Variants in FRMD4A observed in about 807,000 individuals in gnomAD.
FRMD4A encodes FERM domain-containing protein 4A.
Under a neutral mutation model 129.1 loss-of-function variants are expected in FRMD4A, and 29 were observed. The observed-to-expected ratio is 0.22, with a 90% CI of 0.17 to 0.31. The LOEUF (loss-of-function observed/expected upper bound fraction) is 0.31. FRMD4A is among the 10% of genes least tolerant of loss of function. The pLI is 1.00. For missense variants in FRMD4A, 1,272 were observed against 1,375.8 expected, an observed-to-expected ratio of 0.92 and a Z score of 1.19; for synonymous variants, 634 against 571.6, an observed-to-expected ratio of 1.11 and a Z score of -1.56.
chr10:14,293,456 A>G (rs941852605), intron 2 of FRMD4A, among the ~76,000 whole-genome samples: 1 of 152,224 alleles, frequency 6.6e-6, no homozygotes, highest in Non-Finnish European at 1.5e-5. Flanking sequence ...ACTAAGACAT[A>G]CAACAAACTG....
chr10:13,691,930 A>G (rs923726290), intron 15 of FRMD4A, among the ~76,000 whole-genome samples: 1 of 152,126 alleles, frequency 6.6e-6, no homozygotes, highest in Admixed American at 6.6e-5. Flanking sequence ...TGGTCTTTGA[A>G]TTTCATTCTC....
At chr10:13,884,134 T>C (rs10906530) in intron 2 of FRMD4A, among the ~76,000 whole-genome samples, 3 of 35,698 alleles carry the variant, frequency 8.4e-5, no homozygotes, top group African/African-American at 2.6e-4. Context: ...ACACACACGC[T>C]CACACACACT....
intron 2 of FRMD4A, among the ~76,000 whole-genome samples, chr10:13,864,535 T>G (rs770665476): frequency 1.6e-4 from 24 of 151,744 alleles, no homozygotes; most frequent in Non-Finnish European, 2.9e-4. Context: ...TCCCTTTTCT[T>G]TCTTGCCCTT....
intron 2 of FRMD4A, among the ~76,000 whole-genome samples, chr10:14,288,266 T>C (rs1343560368): frequency 1.3e-5 from 2 of 152,106 alleles, no homozygotes; most frequent in Non-Finnish European, 2.9e-5. Flanking sequence ...TGCTCCCAAA[T>C]CAAAATTGGA....
In FRMD4A at chr10:14,289,109, T is replaced by C. The variant is rs372953897; in HGVS notation, c.45+40949A>G. On this transcript the variant is annotated intron_variant, in intron 2 of 24. Coordinates refer to ENST00000357447, the MANE Select transcript of FRMD4A (RefSeq NM_018027.5). ...TGCCTATGTCTCTTCAATATCTTGA[T>C]TTCAATTATTTTGGATATATACCCA... 5.9e-5 allele frequency among the ~76,000 whole-genome samples: 9 copies of C among 152,370 alleles called. No homozygotes were observed. The East Asian group carries it at 1.2e-3, about 20-fold the overall frequency.
intron 3 of FRMD4A, among the ~76,000 whole-genome samples, chr10:13,840,788 C>CAAAAAA (rs36070515): frequency 1.7e-5 from 1 of 57,240 alleles, no homozygotes; most frequent in Non-Finnish European, 3.0e-5. Flanking sequence ...GACTCTGTCT[C>CAAAAAA]AAAAAAAAAA....
intron 2 of FRMD4A, among the ~76,000 whole-genome samples, chr10:13,886,379 GA>G (rs1363394365): frequency 6.6e-6 from 1 of 152,118 alleles, no homozygotes; most frequent in African/African-American, 2.4e-5. Context: ...TGGCTAATTT[GA>G]AGTGCAAAAT....
chr10:14,330,290 G>T, intron 1 of FRMD4A, 107 bp from the exon 2 acceptor site: 2 of 584,248 alleles, frequency 3.4e-6, no homozygotes. Flanking sequence ...GACAGGGTGG[G>T]AACTGTGCTT....
rs530159178 is a variant in FRMD4A at position 14,082,789 on chromosome 10, C to G, written c.46-223877G>C. 4.6e-5 allele frequency among the ~76,000 whole-genome samples: 7 copies of G among 152,288 alleles called. No homozygotes were observed. The South Asian group carries it at 1.2e-3, about 27-fold the overall frequency. On this transcript the variant is annotated intron_variant, in intron 2 of 24. Coordinates refer to ENST00000357447, the MANE Select transcript of FRMD4A (RefSeq NM_018027.5). ...CATGACCATGATAGGTTGCCATTAA[C>G]AGGGATGGATTTGGCTGTGACTGAT...
chr10:14,045,196 T>C (rs1202081160), intron 2 of FRMD4A, among the ~76,000 whole-genome samples: 1 of 152,228 alleles, frequency 6.6e-6, no homozygotes, highest in Non-Finnish European at 1.5e-5. Flanking sequence ...GGCCATTCCC[T>C]GGTCCTTCTG....
intron 12 of FRMD4A, among the ~76,000 whole-genome samples, chr10:13,733,843 C>T (rs895998228): frequency 2.0e-5 from 3 of 152,224 alleles, no homozygotes; most frequent in African/African-American, 7.2e-5. Flanking sequence ...TCACCGTGAT[C>T]GTCGTGATTG....
At chr10:13,731,264 A>C (rs1014691149) in intron 12 of FRMD4A, among the ~76,000 whole-genome samples, 2 of 152,202 alleles carry the variant, frequency 1.3e-5, no homozygotes, top group Non-Finnish European at 2.9e-5. Flanking sequence ...GTGGGGAGGA[A>C]GGCAAAGAGG....
chr10:14,021,871 C>G (rs1832773615), intron 2 of FRMD4A, among the ~76,000 whole-genome samples: 1 of 151,988 alleles, frequency 6.6e-6, no homozygotes, highest in African/African-American at 2.4e-5. Context: ...AGTATATCAC[C>G]AGAACGGCAT....
chr10:14,090,109 T>C (rs1021375989), intron 2 of FRMD4A, among the ~76,000 whole-genome samples: 4 of 152,162 alleles, frequency 2.6e-5, no homozygotes, highest in Non-Finnish European at 2.9e-5. Flanking sequence ...ATAGCAGGGA[T>C]CTAGAAATAA....
chr10:14,177,145 C>T (rs1841758124), intron 2 of FRMD4A, among the ~76,000 whole-genome samples: 1 of 152,170 alleles, frequency 6.6e-6, no homozygotes, highest in South Asian at 2.1e-4. Context: ...TTTCTAAACT[C>T]AGAAACCCCT....
rs149215463 is a variant in FRMD4A, at chr10:14,283,195, C to T, written c.45+46863G>A. On this transcript the variant is annotated intron_variant, in intron 2 of 24. Coordinates refer to ENST00000357447, the MANE Select transcript of FRMD4A (RefSeq NM_018027.5). ...GTCATTCACAAGCTTCTCCTTCAACCGTAATTCTCAGCTAAATCGCCCAAC... is the reference window on the plus strand; with the variant it reads ...GTCATTCACAAGCTTCTCCTTCAACTGTAATTCTCAGCTAAATCGCCCAAC... Among the ~76,000 whole-genome samples the T allele has an allele frequency of 2.5e-3, 381 of 152,266 alleles. 1 individual carries two copies. Among genetic ancestry groups the T allele is most frequent in the Non-Finnish European group, 4.4e-3 (296 of 68,010 alleles).
At chr10:14,228,161 C>CTAT in intron 2 of FRMD4A, among the ~76,000 whole-genome samples, 1 of 152,234 alleles carries the variant, frequency 6.6e-6, no homozygotes, top group South Asian at 2.1e-4. Context: ...TGTGAGCCAC[C>CTAT]GCACCCAGCA....
Position 13,656,688 on chromosome 10 carries a change from G to A in FRMD4A, c.2901C>T (p.Phe967=), listed in dbSNP as rs757243136. ...TCCTGGTGACCCTGCTGTGCGCCAC[G>A]AAGGTGCTCTGGGAGGAGGTGCTGT... ...SQYSTSSQST[F]VAHSRVTRMP... Residue 967 remains phenylalanine (F), a synonymous_variant, in exon 22 of 25, where the codon TTC becomes TTT. Coordinates refer to ENST00000357447, the MANE Select transcript of FRMD4A (RefSeq NM_018027.5). 1.3e-5 allele frequency: 21 copies of A among 1,563,388 alleles called. No individual in the cohort carries two copies. The highest frequency in any genetic ancestry group is 2.8e-5 in the African/African-American group (2 of 71,622).
At chr10:14,025,640 T>C (rs1404607293) in intron 2 of FRMD4A, among the ~76,000 whole-genome samples, 1 of 152,206 alleles carries the variant, frequency 6.6e-6, no homozygotes, top group Non-Finnish European at 1.5e-5. Context: ...AGAACTCTTC[T>C]CATTTTGCAA....
Sources: gnomAD v4.1 joint callset for allele counts (sites outside exome capture counted in the v4.1 genomes callset) on GRCh38, gnomAD v4.1.1 for gene constraint, MANE v1.5 for transcripts, NCBI Gene and HGNC (gene_info 2026-07-23, HGNC 2026-07-21) for gene names.